TENM3: variants seen among roughly 807,000 people sequenced by gnomAD.
TENM3 encodes teneurin transmembrane protein 3, also known as teneurin-3.
In TENM3, 63 loss-of-function variants were observed where a neutral mutation model predicts 255.1. That is an observed-to-expected ratio of 0.25 (90% confidence interval 0.20 to 0.30). The LOEUF (loss-of-function observed/expected upper bound fraction) is 0.30. Ranked by LOEUF, TENM3 falls within the 10% of genes least tolerant of loss-of-function variation. The pLI is 1.00. For synonymous variants in TENM3, 1,306 were observed against 1,322.3 expected (o/e 0.99, Z 0.27); for missense variants, 2,929 against 3,461.1 (o/e 0.85, Z 3.86).
intron 3 of TENM3, among the ~76,000 whole-genome samples, chr4:182,579,273 A>G (rs796780473): frequency 1.8e-4 from 28 of 152,320 alleles, no homozygotes; most frequent in African/African-American, 6.5e-4. Flanking sequence ...GCAGCATTCT[A>G]TTTCCTCAGA....
chr4:182,704,192 A>G (rs1205476703), intron 12 of TENM3, among the ~76,000 whole-genome samples: 1 of 152,176 alleles, frequency 6.6e-6, no homozygotes, highest in Non-Finnish European at 1.5e-5. Context: ...GAGATGTGTT[A>G]CTAACACGTG....
chr4:182,346,518 T>C, intron 2 of TENM3, 133 bp from the exon 3 acceptor site: 1 of 871,492 alleles, frequency 1.1e-6, no homozygotes, highest in South Asian at 1.9e-5. Context: ...TGTAAACGCC[T>C]GGTGCTGATC....
the TENM3 span, among the ~76,000 whole-genome samples, chr4:181,540,696 T>C: frequency 6.6e-6 from 1 of 152,120 alleles, no homozygotes; most frequent in African/African-American, 2.4e-5. Flanking sequence ...TGAGACATTC[T>C]ACAACATATC....
intron 19 of TENM3, among the ~76,000 whole-genome samples, chr4:182,748,700 A>G (rs956704867): frequency 6.6e-6 from 1 of 152,058 alleles, no homozygotes; most frequent in African/African-American, 2.4e-5. Flanking sequence ...AACCAGCTCT[A>G]ATTTGCCATC....
the TENM3 span, among the ~76,000 whole-genome samples, chr4:181,559,649 G>C: frequency 6.6e-6 from 1 of 152,214 alleles, no homozygotes; most frequent in East Asian, 1.9e-4. Flanking sequence ...AGAAGCATTA[G>C]CTATTACTAA....
chr4:181,715,369 G>T, the TENM3 span, among the ~76,000 whole-genome samples: 2 of 152,096 alleles, frequency 1.3e-5, no homozygotes, highest in African/African-American at 2.4e-5. Context: ...TCTTTTACTA[G>T]TCTTGCTAAT....
the TENM3 span, among the ~76,000 whole-genome samples, chr4:181,923,946 T>C: frequency 6.6e-6 from 1 of 152,194 alleles, no homozygotes; most frequent in East Asian, 1.9e-4. Context: ...ACATTCATTA[T>C]ATGAGTATAC....
At chr4:181,583,026 A>C in the TENM3 span, among the ~76,000 whole-genome samples, 1 of 152,242 alleles carries the variant, frequency 6.6e-6, no homozygotes, top group Non-Finnish European at 1.5e-5. Context: ...GTGCATGCAC[A>C]CACACACATC....
At chr4:182,182,001 G>T (rs906860639) in intron 1 of TENM3, among the ~76,000 whole-genome samples, 1 of 151,886 alleles carries the variant, frequency 6.6e-6, no homozygotes, top group Non-Finnish European at 1.5e-5. Context: ...ATATGTTCAG[G>T]ATAGAAACAG....
intron 1 of TENM3, among the ~76,000 whole-genome samples, chr4:182,253,067 A>G (rs1034884788): frequency 2.6e-5 from 4 of 152,244 alleles, no homozygotes; most frequent in African/African-American, 9.6e-5. Context: ...TGTTTGTTTT[A>G]AACAATAGAG....
the TENM3 span, among the ~76,000 whole-genome samples, chr4:181,504,972 C>A: frequency 6.6e-6 from 1 of 152,088 alleles, no homozygotes; most frequent in African/African-American, 2.4e-5. Context: ...CGACACTGGC[C>A]CAAGAGAACA....
At chr4:181,499,201 G>A in the TENM3 span, among the ~76,000 whole-genome samples, 2 of 152,104 alleles carry the variant, frequency 1.3e-5, no homozygotes, top group South Asian at 2.1e-4. Context: ...ATCTCCCAGG[G>A]TGTGAACCAG....
chr4:182,258,530 C>CAA (rs35088208), intron 1 of TENM3, among the ~76,000 whole-genome samples: 13 of 148,870 alleles, frequency 8.7e-5, no homozygotes, highest in South Asian at 2.1e-4. Context: ...TTTTCCCTCT[C>CAA]AAAAAAAAAA....
chr4:182,026,716 G>A, the TENM3 span, among the ~76,000 whole-genome samples: 3 of 152,088 alleles, frequency 2.0e-5, no homozygotes, highest in African/African-American at 7.2e-5. Context: ...ATTGAGGAGA[G>A]AATCTTTTCC....
the TENM3 span, among the ~76,000 whole-genome samples, chr4:181,767,575 G>C: frequency 2.0e-5 from 3 of 151,998 alleles, no homozygotes; most frequent in Non-Finnish European, 2.9e-5. Context: ...GAATGTGGAG[G>C]CTTCAGAATC....
the TENM3 span, among the ~76,000 whole-genome samples, chr4:181,701,606 C>A: frequency 4.3e-4 from 65 of 152,104 alleles, no homozygotes; most frequent in African/African-American, 1.4e-3. Flanking sequence ...TAGGCCACTG[C>A]GAGATTGCCA....
chr4:182,224,639 C>T (rs773953563), intron 1 of TENM3, among the ~76,000 whole-genome samples: 10 of 152,028 alleles, frequency 6.6e-5, no homozygotes, highest in Non-Finnish European at 1.3e-4. Flanking sequence ...GGGAAGTGTG[C>T]ACAGCCCATA....
chr4:182,413,968 T>G (rs1456640493), intron 3 of TENM3, among the ~76,000 whole-genome samples: 1 of 152,234 alleles, frequency 6.6e-6, no homozygotes, highest in African/African-American at 2.4e-5. Flanking sequence ...TGTAATTTAC[T>G]CTGTTACCAC....
the TENM3 span, among the ~76,000 whole-genome samples, chr4:181,581,783 A>G: frequency 1.4e-5 from 2 of 147,262 alleles, no homozygotes; most frequent in East Asian, 4.1e-4. Context: ...CCCAGGCTGG[A>G]GTGCAGTGGT....
Sources: gnomAD v4.1 joint callset for allele counts (sites outside exome capture counted in the v4.1 genomes callset) on GRCh38, gnomAD v4.1.1 for gene constraint, MANE v1.5 for transcripts, NCBI Gene and HGNC (gene_info 2026-07-23, HGNC 2026-07-21) for gene names.